The following C8orf74 variants were observed in gnomAD, a reference collection of about 807,000 sequenced individuals.
C8orf74 encodes chromosome 8 open reading frame 74.
A neutral mutation model predicts 22.2 loss-of-function variants in C8orf74; 29 were observed. The observed-to-expected ratio is 1.31, with a 90% CI of 0.97 to 1.78. The LOEUF (loss-of-function observed/expected upper bound fraction) is 1.78, where lower values mean the gene tolerates loss of function less well. Ranked by LOEUF, C8orf74 falls within the 40% of genes most tolerant of loss-of-function variation. C8orf74 has a pLI of 0.00. For synonymous variants in C8orf74, 255 were observed against 163.1 expected (o/e 1.56, Z -4.30); for missense variants, 515 against 369.9 (o/e 1.39, Z -3.22).
chr8:10,691,007 G>C (rs1306589917), intron 2 of C8orf74: 1 of 448,788 alleles, frequency 2.2e-6, no homozygotes, highest in East Asian at 7.0e-5. Flanking sequence ...TTCTCCCTGA[G>C]ACTTAATCCC....
At chr8:10,688,849 G>A (rs1400215881) in intron 2 of C8orf74, 1 of 152,290 alleles carries the variant, frequency 6.6e-6, no homozygotes, top group Non-Finnish European at 1.5e-5. Context: ...TGCAGTAGGA[G>A]GTGGGAAGAT....
At chr8:10,679,143 T>C (rs1416335193) in intron 2 of C8orf74, among the ~76,000 whole-genome samples, 1 of 152,152 alleles carries the variant, frequency 6.6e-6, no homozygotes, top group Non-Finnish European at 1.5e-5. Flanking sequence ...AGGTCACTCG[T>C]CTGTAAATGT....
intron 2 of C8orf74, chr8:10,691,073 G>A (rs566448175): frequency 7.5e-5 from 29 of 387,108 alleles, no homozygotes; most frequent in Admixed American, 5.4e-4. Context: ...AGTGTGGTCC[G>A]AGGCCAAGAA....
chr8:10,700,137 A>T, intron 3 of C8orf74, 98 bp from the exon 4 acceptor site: 1 of 758,088 alleles, frequency 1.3e-6, no homozygotes, highest in Non-Finnish European at 2.1e-6. Flanking sequence ...ACGGATGGAC[A>T]GTGGACACAT....
chr8:10,686,304 G>C (rs1030659879), intron 2 of C8orf74, among the ~76,000 whole-genome samples: 2 of 152,190 alleles, frequency 1.3e-5, no homozygotes, highest in Non-Finnish European at 2.9e-5. Flanking sequence ...CCACATGCAT[G>C]CTCTAAACCT....
chr8:10,681,676 G>A (rs566511780), intron 2 of C8orf74, among the ~76,000 whole-genome samples: 27 of 152,292 alleles, frequency 1.8e-4, no homozygotes, highest in Non-Finnish European at 2.6e-4. Flanking sequence ...GTGCTGCTCC[G>A]CCCTTCATCA....
At chr8:10,697,506 T>A (rs926954578) in intron 2 of C8orf74, 93 bp from the exon 3 acceptor site, 1 of 1,090,796 alleles carries the variant, frequency 9.2e-7, no homozygotes. Flanking sequence ...ATGGGCTCTG[T>A]GACCAGGCTG....
intron 2 of C8orf74, among the ~76,000 whole-genome samples, chr8:10,696,127 C>T (rs767893901): frequency 4.6e-5 from 7 of 151,964 alleles, no homozygotes; most frequent in Non-Finnish European, 7.4e-5. Flanking sequence ...AATTCAGTCA[C>T]GACCCTTCAT....
chr8:10,695,019 G>C (rs932940190), intron 2 of C8orf74, among the ~76,000 whole-genome samples: 5 of 151,934 alleles, frequency 3.3e-5, no homozygotes, highest in African/African-American at 1.2e-4. Context: ...GGATGGATGG[G>C]TGGGTGAAAG....
rs970378813 is a variant in C8orf74, at chr8:10,674,652, CA to C, written c.57del (p.Gly20ValfsTer9). On this transcript the variant is annotated frameshift_variant, in exon 2 of 4. Coordinates refer to ENST00000304519, the MANE Select transcript of C8orf74 (RefSeq NM_001040032.2). LOFTEE classifies it high-confidence loss of function. ...CCCATGTCATTCCCTGCAGAGACCA[CA>C]AGGTCGGGAGCGCCTGCGGAGGCTT... Reference protein sequence around the residue: ...VKEVFQLQRPQGRERLRRLLN... With the variant: ...VKEVFQLQRPXGRERLRRLLN... The C allele has an allele frequency of 6.2e-7, 1 of 1,607,024 alleles. No homozygotes were observed. Among genetic ancestry groups the C allele is most frequent in the Non-Finnish European group, 8.5e-7 (1 of 1,176,886 alleles).
chr8:10,677,968 T>C (rs921085664), intron 2 of C8orf74, among the ~76,000 whole-genome samples: 5 of 152,208 alleles, frequency 3.3e-5, no homozygotes, highest in Admixed American at 6.5e-5. Flanking sequence ...AGACTGGCCT[T>C]CCTTTCCTTC....
At chr8:10,693,459 C>T (rs191020465) in intron 2 of C8orf74, among the ~76,000 whole-genome samples, 137 of 152,324 alleles carry the variant, frequency 9.0e-4, no homozygotes, top group Middle Eastern at 3.4e-3. Flanking sequence ...ATTCTTGGCA[C>T]AGGGAAAGCC....
At chr8:10,674,250 T>C (rs1251766661) in intron 1 of C8orf74, among the ~76,000 whole-genome samples, 77 of 45,590 alleles carry the variant, frequency 1.7e-3, no homozygotes, top group Middle Eastern at 0.015. Context: ...CCCACAACCC[T>C]CATATCATAC....
intron 2 of C8orf74, among the ~76,000 whole-genome samples, chr8:10,679,254 G>A (rs1201488940): frequency 6.6e-6 from 1 of 152,052 alleles, no homozygotes; most frequent in Non-Finnish European, 1.5e-5. Context: ...CACTGGAGTC[G>A]GCCTTTATGT....
intron 2 of C8orf74, chr8:10,690,850 C>G (rs769494943): frequency 2.2e-6 from 1 of 456,262 alleles, no homozygotes; most frequent in Non-Finnish European, 4.4e-6. Flanking sequence ...CTCCTCCACT[C>G]GTGCTGCATA....
intron 2 of C8orf74, among the ~76,000 whole-genome samples, chr8:10,683,683 A>T (rs1367691919): frequency 6.6e-6 from 1 of 152,164 alleles, no homozygotes; most frequent in Non-Finnish European, 1.5e-5. Context: ...GCTCCACGGA[A>T]ATCCCCACAG....
intron 2 of C8orf74, among the ~76,000 whole-genome samples, chr8:10,680,879 C>T (rs1181936606): frequency 6.6e-6 from 1 of 152,182 alleles, no homozygotes; most frequent in Non-Finnish European, 1.5e-5. Flanking sequence ...CTGGCATTGT[C>T]CCCATTTCAG....
At chr8:10,686,649 G>A (rs1470675899) in intron 2 of C8orf74, 1 of 158,070 alleles carries the variant, frequency 6.3e-6, no homozygotes, top group Admixed American at 6.0e-5. Context: ...TTAGTACTTG[G>A]ATGGGAGACC....
rs79108158 is a variant in C8orf74 at position 10,684,418 on chromosome 8, G to A, written c.241+9580G>A. Among the ~76,000 whole-genome samples, 1,258 of 152,302 alleles carry A rather than the reference G, an allele frequency of 8.3e-3. 25 individuals are homozygous for A. The highest frequency in any genetic ancestry group is 0.029 in the African/African-American group (1,185 of 41,562). ...CCATTATGGACAAAGAGAAGGGCGT[G>A]GACAAGAGTCCATGACAGTCTTTAA... is the stretch of plus-strand genomic sequence containing the variant. On this transcript the variant is annotated intron_variant, in intron 2 of 3. Transcript: ENST00000304519.
Sources: allele counts gnomAD v4.1 joint callset (sites outside exome capture counted in the v4.1 genomes callset), GRCh38; gene constraint gnomAD v4.1.1; transcripts MANE v1.5; gene names NCBI Gene and HGNC (gene_info 2026-07-23, HGNC 2026-07-21).